The following DOP1B variants were observed in gnomAD, a reference collection of about 807,000 sequenced individuals.
The protein encoded by DOP1B is protein DOP1B.
In DOP1B, 174 loss-of-function variants were observed where a neutral mutation model predicts 233.5. The observed-to-expected ratio is 0.75, with a 90% confidence interval of 0.66 to 0.85. The LOEUF (loss-of-function observed/expected upper bound fraction) is 0.85, where lower values mean the gene tolerates loss of function less well. Among genes scored for constraint, DOP1B ranks in the 40% least tolerant of loss-of-function variants. The pLI, the probability that DOP1B is intolerant of heterozygous loss-of-function variation, is 0.00. For missense variants in DOP1B, 2,652 were observed against 2,846.6 expected (o/e 0.93, Z 1.56); for synonymous variants, 1,190 against 1,185.6 (o/e 1.00, Z -0.08).
intron 2 of DOP1B, among the ~76,000 whole-genome samples, chr21:36,191,606 T>A (rs1461650082): frequency 6.6e-6 from 1 of 152,152 alleles, no homozygotes; most frequent in African/African-American, 2.4e-5. Flanking sequence ...GCCAACATAG[T>A]GAAACCTCGT....
At chr21:36,170,801 CAAAA>C (rs750146188) in intron 2 of DOP1B, among the ~76,000 whole-genome samples, 3 of 117,692 alleles carry the variant, frequency 2.5e-5, no homozygotes, top group Non-Finnish European at 1.8e-5. Context: ...AACCCTGTTT[CAAAA>C]AAAAAAAAAA....
intron 32 of DOP1B, among the ~76,000 whole-genome samples, chr21:36,286,792 A>T (rs60887222): frequency 6.6e-6 from 1 of 151,602 alleles, no homozygotes; most frequent in Non-Finnish European, 1.5e-5. Flanking sequence ...GCTAAACCCT[A>T]TCTCTACTAA....
rs1019822681 is a variant in DOP1B at position 36,227,070 on chromosome 21, T to C, written c.1474-616T>C. 8.0e-5 allele frequency among the ~76,000 whole-genome samples: 12 copies of C among 150,390 alleles called. 1 individual carries two copies. The South Asian group carries it at 1.5e-3, about 19-fold the overall frequency. ...AAAAATACAAAAAGTTAGCCGGGTGTGGTGGCGGGCGCCTGTAGTCCCAGC... is the reference window on the plus strand; with the variant it reads ...AAAAATACAAAAAGTTAGCCGGGTGCGGTGGCGGGCGCCTGTAGTCCCAGC... On this transcript the variant is annotated intron_variant, in intron 12 of 36. Coordinates refer to ENST00000691173, the MANE Select transcript of DOP1B (RefSeq NM_001320714.2).
chr21:36,246,283 C>A lies in DOP1B; in HGVS notation c.4303C>A (p.His1435Asn). 1 of 1,613,934 alleles carries A rather than the reference C, an allele frequency of 6.2e-7. No individual in the cohort carries two copies. The change falls in exon 19 of 37, where the codon CAC (histidine) becomes AAC (asparagine). Residue 1435 changes from histidine (H) to asparagine (N), a missense_variant. Physicochemically the swap from His to Asn is moderately conservative, Grantham distance 68. Around this residue, in one of 3 missense-constraint regions of DOP1B, gnomAD observed 2,617 missense variants for 2,794.3 expected, o/e 0.94. Coordinates refer to ENST00000691173, the MANE Select transcript of DOP1B (RefSeq NM_001320714.2). The surrounding 1 kb of genome is among the most constrained non-coding windows in gnomAD (Gnocchi z 5.1). ...NLGQDQIWSE[H>N]PLQIELLKLL... ...GGGTCAGGACCAGATCTGGAGTGAG[C>A]ACCCGCTGCAGATTGAGCTGCTGAA...
chr21:36,219,643 A>C, intron 10 of DOP1B, 151 bp downstream of exon 10: 1 of 1,132,488 alleles, frequency 8.8e-7, no homozygotes, highest in Non-Finnish European at 1.2e-6. Context: ...CAATGCGTTG[A>C]AGTCAGTCCA....
At chr21:36,228,803 TAAAATAAAATAAAATAAAA>T (rs1414944019) in intron 13 of DOP1B, among the ~76,000 whole-genome samples, 6 of 142,862 alleles carry the variant, frequency 4.2e-5, no homozygotes, top group African/African-American at 1.6e-4. Context: ...TAAAATAAAA[TAAAATAAAATAAAATAAAA>T]TAAAAAGGCA....
At chr21:36,263,524 T>C (rs751147798) in intron 24 of DOP1B, 22 bp from the exon 25 acceptor site, 3 of 1,598,612 alleles carry the variant, frequency 1.9e-6, no homozygotes, top group Middle Eastern at 3.3e-4. Context: ...TTGAGTATTT[T>C]TCCTATCTTT....
intron 32 of DOP1B, among the ~76,000 whole-genome samples, chr21:36,283,936 CTTTT>C (rs547999186): frequency 4.0e-5 from 4 of 100,996 alleles, no homozygotes; most frequent in East Asian, 7.2e-4. Flanking sequence ...ACACCTGTTC[CTTTT>C]TTTTTTTTTT....
At chr21:36,291,995 T>C in intron 35 of DOP1B, 109 bp from the exon 36 acceptor site, 1 of 1,260,958 alleles carries the variant, frequency 7.9e-7, no homozygotes, top group Non-Finnish European at 1.1e-6. Flanking sequence ...GGCATTGAGT[T>C]GTCCATATTA....
Position 36,214,540 on chromosome 21 carries a change from T to C in DOP1B, c.1113T>C (p.Leu371=), listed in dbSNP as rs1330879075. Residue 371 remains leucine, a synonymous_variant, in exon 9 of 37, where the codon CTT becomes CTC. Coordinates refer to ENST00000691173, the MANE Select transcript of DOP1B (RefSeq NM_001320714.2). ...CTTTTCGCGTCCTCATCAGTCTGCT[T>C]GACAAGCCAGAAATAGGTAATGTTA... ...LKPFRVLISL[L]DKPEIGPQVV... 6.2e-7 allele frequency: 1 copy of C among 1,613,956 alleles called. No individual in the cohort carries two copies. Among genetic ancestry groups the C allele is most frequent in the Non-Finnish European group, 8.5e-7 (1 of 1,179,998 alleles).
intron 9 of DOP1B, 39 bp downstream of exon 9, chr21:36,214,595 C>T (rs779612613): frequency 2.0e-6 from 3 of 1,535,092 alleles, no homozygotes; most frequent in South Asian, 2.3e-5. Context: ...ATGCTGAATA[C>T]AGATTACCTG....
chr21:36,179,257 T>C (rs1227015897), intron 2 of DOP1B, among the ~76,000 whole-genome samples: 2 of 152,230 alleles, frequency 1.3e-5, no homozygotes, highest in Admixed American at 1.3e-4. Flanking sequence ...TGTTTAATTT[T>C]TTAAGAAGCT....
intron 5 of DOP1B, among the ~76,000 whole-genome samples, chr21:36,210,473 C>T (rs964953698): frequency 3.3e-5 from 5 of 152,106 alleles, no homozygotes; most frequent in African/African-American, 4.8e-5. Context: ...GGTGAAACCC[C>T]GTCTCTACTA....
chr21:36,218,927 C>G (rs2066592503), intron 9 of DOP1B, among the ~76,000 whole-genome samples: 1 of 152,174 alleles, frequency 6.6e-6, no homozygotes, highest in African/African-American at 2.4e-5. Flanking sequence ...TTGCCCTGCT[C>G]TCTGGATATT....
chr21:36,241,503 C>CTTTTT (rs1165636640), intron 18 of DOP1B, among the ~76,000 whole-genome samples: 50 of 76,502 alleles, frequency 6.5e-4, no homozygotes, highest in African/African-American at 1.5e-3. Flanking sequence ...TTATCTTAAT[C>CTTTTT]TTTTTTTTTT....
intron 4 of DOP1B, among the ~76,000 whole-genome samples, chr21:36,204,477 G>A (rs763466197): frequency 4.6e-5 from 7 of 151,896 alleles, no homozygotes; most frequent in Non-Finnish European, 7.4e-5. Flanking sequence ...CACTTGCGAC[G>A]TGCATGACCC....
chr21:36,290,685 G>A (rs2067546016), intron 35 of DOP1B, among the ~76,000 whole-genome samples: 1 of 152,136 alleles, frequency 6.6e-6, no homozygotes, highest in African/African-American at 2.4e-5. Flanking sequence ...AGCTACTTGG[G>A]AGGCTGAGGC....
chr21:36,270,552 C>CAA (rs398040600), intron 27 of DOP1B, among the ~76,000 whole-genome samples: 3,154 of 36,820 alleles, frequency 0.086, 666 homozygotes, highest in East Asian at 0.26. Flanking sequence ...GACTCCGTCT[C>CAA]AAAAAAAAAA....
At chr21:36,247,692 A>ACCC in intron 20 of DOP1B, 64 bp downstream of exon 20, 9 of 1,229,176 alleles carry the variant, frequency 7.3e-6, no homozygotes, top group Non-Finnish European at 1.0e-5. Context: ...TTGGGCTATG[A>ACCC]CTGTTTCAAA....
Sources: allele counts gnomAD v4.1 joint callset (sites outside exome capture counted in the v4.1 genomes callset), GRCh38; gene constraint gnomAD v4.1.1; regional missense constraint gnomAD v4.1.1; non-coding constraint Gnocchi (gnomAD v3.1); transcripts MANE v1.5; gene names NCBI Gene and HGNC (gene_info 2026-07-23, HGNC 2026-07-21).